The following VWF variants were observed in gnomAD, a reference collection of about 807,000 sequenced individuals.
The protein encoded by VWF is von Willebrand factor, also known as Factor VIII related antigen.
A neutral mutation model predicts 308.6 loss-of-function variants in VWF; 176 were observed. That is an observed-to-expected ratio of 0.57 (90% CI 0.50 to 0.65). The LOEUF (loss-of-function observed/expected upper bound fraction) is 0.65. Ranked by LOEUF, VWF falls within the 30% of genes least tolerant of loss-of-function variation. The probability of loss-of-function intolerance (pLI) is 0.00; values close to 1 mark genes in which losing one functional copy is unlikely to be tolerated. For synonymous variants in VWF, 1,385 were observed against 1,443.4 expected, an observed-to-expected ratio of 0.96 and a Z score of 0.92; for missense variants, 3,146 against 3,648.2, an observed-to-expected ratio of 0.86 and a Z score of 3.55.
intron 49 of VWF, 121 bp from the exon 50 acceptor site, chr12:5,952,004 A>C: frequency 1.0e-6 from 1 of 970,256 alleles, no homozygotes; most frequent in Admixed American, 1.8e-5. Flanking sequence ...CCCAGATGTA[A>C]ACTATGCTTT....
chr12:6,066,810 C>T (rs1003060203), intron 10 of VWF, among the ~76,000 whole-genome samples: 63 of 152,356 alleles, frequency 4.1e-4, no homozygotes, highest in African/African-American at 1.5e-3. Context: ...ACTTCATGCT[C>T]GCATGTGCCC....
chr12:6,103,482 A>G (rs1323717225), intron 5 of VWF, among the ~76,000 whole-genome samples: 3 of 134,660 alleles, frequency 2.2e-5, no homozygotes, highest in Admixed American at 7.1e-5. Flanking sequence ...GTGTGTATAT[A>G]CATATATGTG....
intron 32 of VWF, among the ~76,000 whole-genome samples, chr12:6,012,419 G>A (rs531006541): frequency 3.9e-5 from 6 of 152,302 alleles, no homozygotes; most frequent in South Asian, 4.1e-4. Flanking sequence ...TGTAGATCAC[G>A]CCAGGGATGG....
At chr12:6,061,596 CT>C (rs1291355163) in intron 13 of VWF, among the ~76,000 whole-genome samples, 1 of 152,126 alleles carries the variant, frequency 6.6e-6, no homozygotes, top group Non-Finnish European at 1.5e-5. Context: ...CACCCTGCCC[CT>C]GCCACCCAGG....
In VWF at chr12:6,060,868, G is replaced by A. The variant is rs146703933; in HGVS notation, c.1533+2086C>T. On this transcript the variant is annotated intron_variant, in intron 13 of 51. Coordinates refer to ENST00000261405, the MANE Select transcript of VWF (RefSeq NM_000552.5). The surrounding 1 kb of genome is among the most constrained non-coding windows in gnomAD (Gnocchi z 5.1). ...GATCAAGGGGAGAAAGTGCATGGGT[G>A]GAGAGCACCCTCTCTGTGAGGTGGG... Among the ~76,000 whole-genome samples, 7 of 152,276 alleles carry A rather than the reference G, an allele frequency of 4.6e-5. No homozygotes were observed. The East Asian group carries it at 1.2e-3, about 25-fold the overall frequency.
chr12:6,095,239 G>T, intron 6 of VWF: 1 of 630,750 alleles, frequency 1.6e-6, no homozygotes, highest in Non-Finnish European at 2.8e-6. Flanking sequence ...CAGCACAAAT[G>T]GACTGAGACA....
At chr12:6,025,444 A>G in intron 24 of VWF, 136 bp downstream of exon 24, 1 of 756,560 alleles carries the variant, frequency 1.3e-6, no homozygotes, top group Non-Finnish European at 2.3e-6. Flanking sequence ...CCAAGAAAAA[A>G]AGCCGAAGTG....
intron 22 of VWF, among the ~76,000 whole-genome samples, chr12:6,028,602 T>C (rs904140335): frequency 2.0e-5 from 3 of 152,190 alleles, no homozygotes; most frequent in African/African-American, 7.2e-5. Context: ...GGGGGACCAA[T>C]ATTCAACATT....
At chr12:6,031,420 G>A (rs1475265615) in intron 21 of VWF, 24 bp downstream of exon 21, 7 of 1,613,992 alleles carry the variant, frequency 4.3e-6, no homozygotes, top group Non-Finnish European at 5.9e-6. Flanking sequence ...CGGGACATGA[G>A]GGTGGAGATG....
intron 42 of VWF, among the ~76,000 whole-genome samples, chr12:5,976,786 T>A (rs183336391): frequency 1.3e-5 from 2 of 152,260 alleles, no homozygotes; most frequent in Admixed American, 1.3e-4. Flanking sequence ...AGACAAGGGA[T>A]CCTATTGGGA....
intron 15 of VWF, among the ~76,000 whole-genome samples, chr12:6,053,858 C>T (rs565337935): frequency 3.3e-5 from 5 of 152,356 alleles, no homozygotes; most frequent in East Asian, 3.9e-4. Context: ...CCCAGCTCAG[C>T]GGTCCCAAGA....
rs1212894308 is a variant in VWF at position 6,044,422 on chromosome 12, T to C, written c.2311A>G (p.Met771Val). 9 of 1,614,172 alleles carry C rather than the reference T, an allele frequency of 5.6e-6. No individual in the cohort carries two copies. The highest frequency in any genetic ancestry group is 7.6e-6 in the Non-Finnish European group (9 of 1,180,026). The change falls in exon 18 of 52, where the codon ATG becomes GTG. Residue 771 changes from methionine (M) to valine (V), a missense_variant. Met to Val is a conservative substitution (Grantham distance 21, BLOSUM62 1). This residue lies in a region of VWF where 1,304 missense variants were observed against 1,353.0 expected (regional missense o/e 0.96). Coordinates refer to ENST00000261405, the MANE Select transcript of VWF (RefSeq NM_000552.5). Reference protein sequence around the residue: ...SKRSLSCRPPMVKLVCPADNL... With the variant: ...SKRSLSCRPPVVKLVCPADNL... ...TCAGCGGGACACACCAGCTTGACCA[T>C]GGGGGGCCGACAGGATAGGCTCCTT... is the stretch of plus-strand genomic sequence containing the variant.
Position 6,075,586 on chromosome 12 carries a change from C to T in VWF, c.658-35G>A, listed in dbSNP as rs766506440. 5.6e-6 allele frequency: 9 copies of T among 1,595,136 alleles called. No homozygotes were observed. The highest frequency in any genetic ancestry group is 2.7e-5 in the African/African-American group (2 of 74,458). The stretch of plus-strand genomic sequence containing the variant: ...GAGGGGCCGCCTCAGCGGTATGCTC[C>T]GTTAGTGTCTCCCTGAGTGTGGCAC... On this transcript the variant is annotated intron_variant, in intron 6 of 51. Coordinates refer to ENST00000261405, the MANE Select transcript of VWF (RefSeq NM_000552.5). This position sits in a 1 kb window ranked among gnomAD's most constrained non-coding sequence, Gnocchi z 4.7.
intron 22 of VWF, among the ~76,000 whole-genome samples, chr12:6,027,871 CA>C (rs56172597): frequency 0.24 from 36,959 of 151,062 alleles, 4,762 homozygotes; most frequent in African/African-American, 0.3. Flanking sequence ...CACACACACA[CA>C]CACACACACA....
chr12:5,998,538 C>A (rs1193803552), intron 34 of VWF, among the ~76,000 whole-genome samples: 2 of 98,280 alleles, frequency 2.0e-5, no homozygotes, highest in African/African-American at 4.2e-5. Context: ...TATATATGGT[C>A]AAGTCAAGGA....
At chr12:6,016,991 G>C (rs1565830878) in intron 28 of VWF, 121 bp from the exon 29 acceptor site, 2 of 1,091,072 alleles carry the variant, frequency 1.8e-6, no homozygotes, top group South Asian at 2.5e-5. Context: ...CCACCAAGGG[G>C]GGCGGGGGGT....
chr12:6,011,490 C>T (rs1275321283), intron 34 of VWF, 127 bp downstream of exon 34: 12 of 756,512 alleles, frequency 1.6e-5, no homozygotes, highest in Admixed American at 2.2e-5. Context: ...GAAGGTAGCA[C>T]TGTGCATGTG....
At chr12:6,054,331 G>A (rs537069422) in intron 15 of VWF, among the ~76,000 whole-genome samples, 234 of 152,328 alleles carry the variant, frequency 1.5e-3, no homozygotes, top group African/African-American at 5.4e-3. Context: ...TGAATACTGA[G>A]GGAGTGTAGG....
chr12:6,081,994 T>C (rs1944916939), intron 6 of VWF, among the ~76,000 whole-genome samples: 1 of 151,938 alleles, frequency 6.6e-6, no homozygotes, highest in African/African-American at 2.4e-5. Flanking sequence ...TGAAACGCAG[T>C]CTCGCTCTGT....
Sources: allele counts gnomAD v4.1 joint callset (sites outside exome capture counted in the v4.1 genomes callset), GRCh38; gene constraint gnomAD v4.1.1; regional missense constraint gnomAD v4.1.1; non-coding constraint Gnocchi (gnomAD v3.1); transcripts MANE v1.5; gene names NCBI Gene and HGNC (gene_info 2026-07-23, HGNC 2026-07-21).